SUPT3H: variants seen among roughly 807,000 people sequenced by gnomAD.
SUPT3H encodes the protein SPT3 homolog, SAGA and STAGA complex component.
A neutral mutation model predicts 44.3 loss-of-function variants in SUPT3H; 44 were observed. The observed-to-expected ratio is 0.99, with a 90% CI of 0.78 to 1.28. The LOEUF (loss-of-function observed/expected upper bound fraction) is 1.28, where lower values mean the gene tolerates loss of function less well. Ranked by LOEUF, SUPT3H falls within the 50% of genes most tolerant of loss-of-function variation. The pLI is 0.00. For missense variants in SUPT3H, 380 were observed against 387.1 expected (o/e 0.98, Z 0.15); for synonymous variants, 124 against 125.6 (o/e 0.99, Z 0.09).
intron 2 of SUPT3H, among the ~76,000 whole-genome samples, chr6:45,245,990 T>C (rs952233924): frequency 1.3e-5 from 2 of 152,292 alleles, no homozygotes; most frequent in African/African-American, 4.8e-5. Flanking sequence ...TGGTAACTCA[T>C]TGTGGTTTTG....
At chr6:45,179,222 T>C (rs1433494409) in intron 2 of SUPT3H, among the ~76,000 whole-genome samples, 3 of 152,162 alleles carry the variant, frequency 2.0e-5, no homozygotes, top group Non-Finnish European at 2.9e-5. Context: ...GGAGCTGAAA[T>C]TGTGTAATAA....
chr6:44,899,197 A>G (rs1431253361), intron 10 of SUPT3H: 1 of 152,230 alleles, frequency 6.6e-6, no homozygotes, highest in African/African-American at 2.4e-5. Flanking sequence ...AATGTCACTG[A>G]GTAGTGATGT....
intron 6 of SUPT3H, among the ~76,000 whole-genome samples, chr6:44,991,004 G>A (rs1436659988): frequency 6.6e-6 from 1 of 151,902 alleles, no homozygotes; most frequent in African/African-American, 2.4e-5. Flanking sequence ...GGCCACTTTT[G>A]TAATTTAACC....
At chr6:45,323,162 T>C (rs1444781388) in intron 2 of SUPT3H, among the ~76,000 whole-genome samples, 2 of 152,190 alleles carry the variant, frequency 1.3e-5, no homozygotes, top group Non-Finnish European at 2.9e-5. Flanking sequence ...CAATCTTCTC[T>C]ATTCTTCCTC....
At chr6:45,135,652 A>G (rs1452537546) in intron 2 of SUPT3H, among the ~76,000 whole-genome samples, 3 of 151,666 alleles carry the variant, frequency 2.0e-5, no homozygotes, top group African/African-American at 7.3e-5. Context: ...GTGCCCTTAT[A>G]AAAGAAACCA....
chr6:44,838,456 G>A (rs1323452812), intron 10 of SUPT3H, among the ~76,000 whole-genome samples: 6 of 152,176 alleles, frequency 3.9e-5, no homozygotes. Flanking sequence ...GGTCATCAAG[G>A]AGGTTTCTTG....
chr6:44,988,991 T>C (rs187074659), intron 6 of SUPT3H, among the ~76,000 whole-genome samples: 8 of 152,294 alleles, frequency 5.3e-5, no homozygotes, highest in African/African-American at 1.4e-4. Flanking sequence ...CTTATAGATG[T>C]CTCATGCCTC....
intron 6 of SUPT3H, among the ~76,000 whole-genome samples, chr6:45,002,120 C>A (rs1782085435): frequency 6.6e-6 from 1 of 151,998 alleles, no homozygotes; most frequent in African/African-American, 2.4e-5. Flanking sequence ...GTTTTATCAA[C>A]TTCTGATATT....
chr6:45,014,598 G>A (rs182896949), intron 5 of SUPT3H, among the ~76,000 whole-genome samples: 1 of 152,238 alleles, frequency 6.6e-6, no homozygotes, highest in Non-Finnish European at 1.5e-5. Flanking sequence ...TAGAATCTAT[G>A]AGAAGTGTAG....
chr6:44,839,277 G>C (rs1328523877), intron 10 of SUPT3H, among the ~76,000 whole-genome samples: 3 of 152,000 alleles, frequency 2.0e-5, no homozygotes, highest in Non-Finnish European at 4.4e-5. Context: ...ACAGTGAAAA[G>C]GCTTAAGCGC....
At position 44,953,283 on chromosome 6, in the gene SUPT3H, T is replaced by G. The variant is rs368377349; in HGVS notation, c.801+27A>C. On this transcript the variant is annotated intron_variant, in intron 9 of 10. Transcript: ENST00000371459. ...GATATGTGTCAAAATTCACAAATGT[T>G]TTAAGACAGATTTTTTTTGTACTTA... The G allele has an allele frequency of 1.9e-5, 30 of 1,579,710 alleles. No individual in the cohort carries two copies. In the African/African-American group the frequency reaches 4.0e-4, roughly 21 times the overall value.
intron 3 of SUPT3H, among the ~76,000 whole-genome samples, chr6:45,088,216 G>T (rs1796716451): frequency 6.6e-6 from 1 of 152,070 alleles, no homozygotes; most frequent in Non-Finnish European, 1.5e-5. Flanking sequence ...TTTTAAGAAT[G>T]TTGAGGTATC....
At chr6:45,014,336 A>C (rs1783926542) in intron 5 of SUPT3H, among the ~76,000 whole-genome samples, 2 of 152,126 alleles carry the variant, frequency 1.3e-5, no homozygotes. Flanking sequence ...GTTAACTGCT[A>C]TCATTCATTT....
intron 2 of SUPT3H, among the ~76,000 whole-genome samples, chr6:45,246,036 T>C (rs1409537012): frequency 6.6e-6 from 1 of 152,144 alleles, no homozygotes; most frequent in East Asian, 1.9e-4. Context: ...ATATAGAGCA[T>C]ATTTTCATAT....
At chr6:45,112,425 G>T (rs1800198797) in intron 2 of SUPT3H, among the ~76,000 whole-genome samples, 1 of 151,988 alleles carries the variant, frequency 6.6e-6, no homozygotes, top group African/African-American at 2.4e-5. Flanking sequence ...AAGGTGGGGG[G>T]TGTTGAACAT....
At chr6:45,138,620 T>C (rs971131731) in intron 2 of SUPT3H, among the ~76,000 whole-genome samples, 1 of 152,076 alleles carries the variant, frequency 6.6e-6, no homozygotes, top group Non-Finnish European at 1.5e-5. Flanking sequence ...TGTGTGTGTG[T>C]CTGTGTGTGT....
At chr6:45,267,837 T>C (rs1775510298) in intron 2 of SUPT3H, among the ~76,000 whole-genome samples, 1 of 151,460 alleles carries the variant, frequency 6.6e-6, no homozygotes, top group African/African-American at 2.4e-5. Flanking sequence ...GGTTGCCCCC[T>C]AATCCAAAAG....
At chr6:45,178,060 C>A (rs1812335337) in intron 2 of SUPT3H, among the ~76,000 whole-genome samples, 1 of 152,012 alleles carries the variant, frequency 6.6e-6, no homozygotes, top group Non-Finnish European at 1.5e-5. Context: ...ATCAAATTCA[C>A]ACATAACAAT....
intron 2 of SUPT3H, among the ~76,000 whole-genome samples, chr6:45,112,990 G>GTT (rs11427923): frequency 1.4e-5 from 2 of 147,934 alleles, no homozygotes; most frequent in Non-Finnish European, 3.0e-5. Flanking sequence ...ATTAGTTCTG[G>GTT]TTTTTTTGGA....
Sources: allele counts gnomAD v4.1 joint callset (sites outside exome capture counted in the v4.1 genomes callset), GRCh38; gene constraint gnomAD v4.1.1; transcripts MANE v1.5; gene names NCBI Gene and HGNC (gene_info 2026-07-23, HGNC 2026-07-21).